TMEM253: variants seen among roughly 807,000 people sequenced by gnomAD.
The protein encoded by TMEM253 is transmembrane protein C14orf176.
In TMEM253, 22 loss-of-function variants were observed where a neutral mutation model predicts 20.3. The ratio of observed to expected loss-of-function variants is 1.08; its 90% CI spans 0.78 to 1.55. The LOEUF (loss-of-function observed/expected upper bound fraction) is 1.55. Among genes scored for constraint, TMEM253 ranks in the 40% most tolerant of loss-of-function variants. The pLI is 0.00. For synonymous variants in TMEM253, 92 were observed against 102.6 expected (o/e 0.90, Z 0.62); for missense variants, 251 against 266.1 (o/e 0.94, Z 0.39).
upstream of TMEM253, among the ~76,000 whole-genome samples, chr14:21,099,825 C>G (rs530145781): frequency 6.6e-6 from 1 of 152,238 alleles, no homozygotes; most frequent in East Asian, 1.9e-4. Flanking sequence ...CTAGGTAGAT[C>G]TGGGATTTGT....
exon 5 of TMEM253, chr14:21,102,440 G>C: frequency 6.4e-7 from 1 of 1,551,730 alleles, no homozygotes; most frequent in East Asian, 2.4e-5. Flanking sequence ...CCTTCAACTT[G>C]ATCTTGGGTT....
chr14:21,102,222 C>G, intron 4 of TMEM253, 102 bp downstream of exon 4: 1 of 1,432,554 alleles, frequency 7.0e-7, no homozygotes, highest in Non-Finnish European at 9.4e-7. Context: ...CTCATTCTCT[C>G]AGCTGTCACC....
At chr14:21,100,766 A>C (rs1418525119), upstream of TMEM253, among the ~76,000 whole-genome samples, 4 of 152,200 alleles carry the variant, frequency 2.6e-5, no homozygotes, top group Non-Finnish European at 5.9e-5. Flanking sequence ...ACAGGGGACC[A>C]ATCCAGACAG....
exon 7 of TMEM253, chr14:21,103,172 G>A (rs1466032569): frequency 6.4e-7 from 1 of 1,551,688 alleles, no homozygotes; most frequent in Non-Finnish European, 8.7e-7. Context: ...TCCTGGTTTG[G>A]AGAATGGTCC....
exon 7 of TMEM253, chr14:21,103,508 A>T (rs1566559093): frequency 2.0e-6 from 1 of 512,424 alleles, no homozygotes. Flanking sequence ...ACAGCTTCAC[A>T]TTTGCCTCAT....
At chr14:21,101,950 C>T (rs755925330) in exon 3 of TMEM253, 7 of 1,551,652 alleles carry the variant, frequency 4.5e-6, no homozygotes, top group East Asian at 2.4e-5. Context: ...ATGGCCACAG[C>T]GCTGCCTCTT....
At chr14:21,101,648 T>G (rs1889637692) in intron 2 of TMEM253, 197 bp downstream of exon 2, 1 of 654,906 alleles carries the variant, frequency 1.5e-6, no homozygotes, top group South Asian at 2.0e-5. Flanking sequence ...GCTTCCATCT[T>G]GTGGGGGAAA....
At chr14:21,103,367 A>C (rs1594614524) in exon 7 of TMEM253, 1 of 1,449,186 alleles carries the variant, frequency 6.9e-7, no homozygotes, top group African/African-American at 1.4e-5. Context: ...TTTCACTCAA[A>C]GCAGGCCCTT....
upstream of TMEM253, among the ~76,000 whole-genome samples, chr14:21,099,989 C>G (rs569464317): frequency 6.6e-5 from 10 of 152,146 alleles, no homozygotes; most frequent in African/African-American, 2.4e-4. Context: ...AAACACCCAC[C>G]CTGAATCAAC....
chr14:21,103,401 G>C, exon 7 of TMEM253: 1 of 1,344,072 alleles, frequency 7.4e-7, no homozygotes, highest in Non-Finnish European at 9.9e-7. Flanking sequence ...CCTGTTAGGG[G>C]AAGATACACC....
At chr14:21,098,976 C>T (rs911651877), upstream of TMEM253, 10 of 597,356 alleles carry the variant, frequency 1.7e-5, no homozygotes, top group Admixed American at 8.5e-5. Context: ...GTATAAGAAA[C>T]ATTATTAAAG....
At chr14:21,103,213 G>A in exon 7 of TMEM253, 1 of 1,551,650 alleles carries the variant, frequency 6.4e-7, no homozygotes, top group Non-Finnish European at 8.7e-7. Context: ...CAAATGAGAG[G>A]GTGGGACAGC....
At chr14:21,102,871 G>A (rs1243571817) in intron 6 of TMEM253, 92 bp downstream of exon 6, 1 of 1,476,734 alleles carries the variant, frequency 6.8e-7, no homozygotes, top group East Asian at 2.5e-5. Context: ...GGAAAATAAT[G>A]GGGCAGGAGA....
At chr14:21,102,892 G>T in intron 6 of TMEM253, 113 bp downstream of exon 6, 1 of 1,442,950 alleles carries the variant, frequency 6.9e-7, no homozygotes, top group Non-Finnish European at 9.2e-7. Flanking sequence ...GAAAAGAAGA[G>T]GTCCTAGAAT....
At chr14:21,102,996 G>T in intron 6 of TMEM253, 143 bp from the exon 7 acceptor site, 1 of 1,428,892 alleles carries the variant, frequency 7.0e-7, no homozygotes, top group Non-Finnish European at 9.5e-7. Context: ...TAAAAGAGTG[G>T]GAAAGCATTA....
exon 6 of TMEM253, chr14:21,102,665 T>A (rs1426005078): frequency 3.2e-6 from 5 of 1,551,586 alleles, no homozygotes; most frequent in Non-Finnish European, 3.5e-6. Flanking sequence ...AACTCAGTGC[T>A]GAGGCCTTCA....
At chr14:21,100,612 T>TC (rs1029789374), upstream of TMEM253, among the ~76,000 whole-genome samples, 5 of 151,576 alleles carry the variant, frequency 3.3e-5, no homozygotes, top group South Asian at 2.1e-4. Flanking sequence ...ATAAACAGGG[T>TC]CCCCCCCATC....
At chr14:21,102,325 T>C in intron 4 of TMEM253, 80 bp from the exon 5 acceptor site, 1 of 1,502,234 alleles carries the variant, frequency 6.7e-7, no homozygotes, top group East Asian at 2.5e-5. Flanking sequence ...CTGAGTTTTG[T>C]CTTCAGCTAG....
chr14:21,101,725 G>T, intron 2 of TMEM253, 140 bp from the exon 3 acceptor site: 1 of 702,222 alleles, frequency 1.4e-6, no homozygotes, highest in Non-Finnish European at 2.3e-6. Context: ...AATTTTTAAT[G>T]ATCACGTCCT....
Sources: gnomAD v4.1 joint callset for allele counts (sites outside exome capture counted in the v4.1 genomes callset) on GRCh38, gnomAD v4.1.1 for gene constraint, MANE v1.5 for transcripts, NCBI Gene and HGNC (gene_info 2026-07-23, HGNC 2026-07-21) for gene names.